Variants in RTKN2 observed in about 807,000 individuals in gnomAD.
RTKN2 encodes the protein rhotekin-2.
RTKN2 carries 69 observed loss-of-function variants against 71.5 expected under a neutral mutation model. The ratio of observed to expected loss-of-function variants is 0.96; its 90% CI spans 0.79 to 1.18. The LOEUF is 1.18. Ranked by LOEUF, RTKN2 falls within the 50% of genes most tolerant of loss-of-function variation. The probability of loss-of-function intolerance (pLI) is 0.00; values close to 1 mark genes in which losing one functional copy is unlikely to be tolerated. For missense variants in RTKN2, 724 were observed against 719.7 expected (o/e 1.01, Z -0.07); for synonymous variants, 236 against 236.5 (o/e 1.00, Z 0.02).
intron 9 of RTKN2, among the ~76,000 whole-genome samples, chr10:62,212,579 T>C (rs1841685733): frequency 6.6e-6 from 1 of 151,820 alleles, no homozygotes; most frequent in Non-Finnish European, 1.5e-5. Flanking sequence ...GGCACGTACC[T>C]GTAGTCCCAG....
Position 62,204,920 on chromosome 10 carries a change from C to G in RTKN2, c.1123G>C (p.Val375Leu). Residue 375 changes from valine to leucine, a missense_variant, in exon 10 of 12, where the codon GTT becomes CTT. Transcript: ENST00000373789. Reference sequence around the variant, plus strand: ...TTCTGAAGATCTTCTCTATTGTCAACTGCAAAAATCTGAGTTATAGCTTGT... The same window carrying G: ...TTCTGAAGATCTTCTCTATTGTCAAGTGCAAAAATCTGAGTTATAGCTTGT... ...PGQAITQIFA[V>L]DNREDLQKWM... 1 of 1,601,670 alleles carries G rather than the reference C, an allele frequency of 6.2e-7. No individual in the cohort carries two copies. The highest frequency in any genetic ancestry group is 1.1e-5 in the South Asian group (1 of 87,650).
intron 1 of RTKN2, among the ~76,000 whole-genome samples, chr10:62,267,300 A>G (rs781301781): frequency 2.6e-5 from 4 of 152,134 alleles, no homozygotes; most frequent in Non-Finnish European, 5.9e-5. Flanking sequence ...AAACTTCATG[A>G]TTTTATCCTC....
At chr10:62,242,878 G>A (rs1842406686) in intron 3 of RTKN2, among the ~76,000 whole-genome samples, 1 of 151,970 alleles carries the variant, frequency 6.6e-6, no homozygotes, top group South Asian at 2.1e-4. Flanking sequence ...TGATCTGCCT[G>A]CTTTGGCCTC....
intron 6 of RTKN2, among the ~76,000 whole-genome samples, chr10:62,227,363 T>C (rs939319717): frequency 7.9e-5 from 12 of 151,972 alleles, no homozygotes; most frequent in Non-Finnish European, 1.6e-4. Context: ...AAAGTAACAC[T>C]TGAGTGAAGA....
At chr10:62,220,711 T>C (rs189164871) in intron 7 of RTKN2, among the ~76,000 whole-genome samples, 316 of 152,118 alleles carry the variant, frequency 2.1e-3, no homozygotes, top group Non-Finnish European at 3.7e-3. Context: ...GTAAAGAAGC[T>C]CAAGAAACCC....
At chr10:62,250,642 A>T (rs1589379881) in intron 2 of RTKN2, among the ~76,000 whole-genome samples, 1 of 152,154 alleles carries the variant, frequency 6.6e-6, no homozygotes, top group Admixed American at 6.5e-5. Context: ...ATTTTTATTT[A>T]TTTTTGAGGA....
intron 3 of RTKN2, among the ~76,000 whole-genome samples, 155 bp downstream of exon 3, chr10:62,245,844 C>T (rs1191774756): frequency 6.6e-6 from 1 of 151,992 alleles, no homozygotes; most frequent in African/African-American, 2.4e-5. Context: ...ATCAATGTAG[C>T]ATATAATGCT....
At chr10:62,229,017 CTTAAGGTTAGG>C (rs1842092960) in intron 6 of RTKN2, among the ~76,000 whole-genome samples, 1 of 152,114 alleles carries the variant, frequency 6.6e-6, no homozygotes, top group African/African-American at 2.4e-5. Flanking sequence ...TGGGAACCCA[CTTAAGGTTAGG>C]GATTATGTAT....
At chr10:62,209,986 T>C (rs1841627239) in intron 9 of RTKN2, among the ~76,000 whole-genome samples, 2 of 152,210 alleles carry the variant, frequency 1.3e-5, no homozygotes, top group African/African-American at 4.8e-5. Flanking sequence ...TACCCAGTAA[T>C]GGGATTGCTG....
At chr10:62,199,668 T>C (rs1841399557) in intron 11 of RTKN2, 86 bp downstream of exon 11, 1 of 736,760 alleles carries the variant, frequency 1.4e-6, no homozygotes, top group South Asian at 2.1e-5. Context: ...AATTTTAGCA[T>C]TTTAATGTCA....
At chr10:62,244,303 C>T (rs192346075) in intron 3 of RTKN2, among the ~76,000 whole-genome samples, 483 of 152,170 alleles carry the variant, frequency 3.2e-3, no homozygotes, top group Non-Finnish European at 4.9e-3. Flanking sequence ...TCAGAGTTTC[C>T]GTTCCTTAAT....
chr10:62,194,041 T>G lies in RTKN2; in HGVS notation c.*3867A>C, dbSNP rs750463599. 1 of 983,128 alleles carries G rather than the reference T, an allele frequency of 1.0e-6. No homozygotes were observed. The highest frequency in any genetic ancestry group is 1.7e-5 in the African/African-American group (1 of 57,204). The allele number at this position is 983,128 out of a possible 1,614,324, so 60.9% of individuals were successfully genotyped here. On this transcript the variant is annotated 3_prime_UTR_variant, in exon 12 of 12. Transcript: ENST00000373789. Reference sequence around the variant, plus strand: ...TTAATGTACAGAAGTTTCAATTACATGACTTGGGCTCGCTTACCAAATACC... The same window carrying G: ...TTAATGTACAGAAGTTTCAATTACAGGACTTGGGCTCGCTTACCAAATACC...
intron 5 of RTKN2, chr10:62,238,450 T>G (rs1297319217): frequency 6.6e-6 from 1 of 151,846 alleles, no homozygotes; most frequent in Non-Finnish European, 1.5e-5. Flanking sequence ...TTTGTCTCCA[T>G]GATCAAAACA....
At chr10:62,258,955 T>C (rs534032006) in intron 2 of RTKN2, among the ~76,000 whole-genome samples, 2 of 152,264 alleles carry the variant, frequency 1.3e-5, no homozygotes, top group African/African-American at 4.8e-5. Flanking sequence ...TTACAGCCTT[T>C]AAAAGAGGTT....
Position 62,217,251 on chromosome 10 carries a change from T to C in RTKN2, c.889-2A>G. 7.2e-7 allele frequency: 1 copy of C among 1,392,562 alleles called. No individual in the cohort carries two copies. The highest frequency in any genetic ancestry group is 9.2e-7 in the Non-Finnish European group (1 of 1,082,358). The allele number at this position is 1,392,562 out of a possible 1,614,324, so 86.3% of individuals were successfully genotyped here. A position where few individuals can be genotyped will look rare whatever the true frequency, so the allele number is the denominator to read the frequency against. ...ACTAATCAGACCTTCTACCATTTGC[T>C]GAAAAAAAAAAAAAAAAAATCAAGA... is the stretch of plus-strand genomic sequence containing the variant. On this transcript the variant is annotated splice_acceptor_variant, in intron 8 of 11. Transcript: ENST00000373789. LOFTEE classifies it high-confidence loss of function.
intron 6 of RTKN2, among the ~76,000 whole-genome samples, chr10:62,224,972 T>C (rs1201839808): frequency 6.6e-6 from 1 of 152,066 alleles, no homozygotes; most frequent in Non-Finnish European, 1.5e-5. Context: ...GGAAAGTTGA[T>C]AAAAAGTGGA....
chr10:62,222,671 T>G (rs1841935314), intron 7 of RTKN2, among the ~76,000 whole-genome samples: 1 of 152,158 alleles, frequency 6.6e-6, no homozygotes. Context: ...TATTTTTTCA[T>G]CACAAGTAAA....
At chr10:62,235,442 C>G (rs1374757262) in intron 6 of RTKN2, among the ~76,000 whole-genome samples, 1 of 152,034 alleles carries the variant, frequency 6.6e-6, no homozygotes, top group African/African-American at 2.4e-5. Context: ...TCCTTTCCAA[C>G]AACATTTCAT....
intron 9 of RTKN2, among the ~76,000 whole-genome samples, chr10:62,211,989 A>C (rs1589343383): frequency 6.6e-6 from 1 of 152,052 alleles, no homozygotes; most frequent in Non-Finnish European, 1.5e-5. Flanking sequence ...TAAAAGTTTT[A>C]CTTGATCCTT....
Sources: gnomAD v4.1 joint callset for allele counts (sites outside exome capture counted in the v4.1 genomes callset) on GRCh38, gnomAD v4.1.1 for gene constraint, MANE v1.5 for transcripts, NCBI Gene and HGNC (gene_info 2026-07-23, HGNC 2026-07-21) for gene names.